MDGA2: variants seen among roughly 807,000 people sequenced by gnomAD.
MDGA2 encodes MAM domain-containing glycosylphosphatidylinositol anchor protein 2.
MDGA2 carries 40 observed loss-of-function variants against 117.8 expected under a neutral mutation model. That is an observed-to-expected ratio of 0.34 (90% CI 0.26 to 0.44). The LOEUF is 0.44. MDGA2 is among the 20% of genes least tolerant of loss of function. The pLI, the probability that MDGA2 is intolerant of heterozygous loss-of-function variation, is 1.00. For synonymous variants in MDGA2, 452 were observed against 439.0 expected (o/e 1.03, Z -0.37); for missense variants, 1,123 against 1,250.6 (o/e 0.90, Z 1.54).
At chr14:47,535,955 A>G (rs1055738781) in intron 1 of MDGA2, among the ~76,000 whole-genome samples, 1 of 152,204 alleles carries the variant, frequency 6.6e-6, no homozygotes, top group Non-Finnish European at 1.5e-5. Flanking sequence ...AGGGCTTCAC[A>G]TGTCTCTTTT....
At chr14:47,177,716 G>A (rs1884531182) in intron 3 of MDGA2, among the ~76,000 whole-genome samples, 1 of 151,798 alleles carries the variant, frequency 6.6e-6, no homozygotes. Context: ...CAAGTTAATG[G>A]GTGCAGCACA....
Position 47,374,372 on chromosome 14 carries a change from G to A in MDGA2, c.281-72822C>T, listed in dbSNP as rs547545947. ...TTTGGCCATTCAGATCTTTTCCCTC[G>A]ATTTCTGGTTATTCACTCTGTTCTA... On this transcript the variant is annotated intron_variant, in intron 1 of 16. Coordinates refer to ENST00000399232, the MANE Select transcript of MDGA2 (RefSeq NM_001113498.3). Among the ~76,000 whole-genome samples the A allele has an allele frequency of 1.6e-4, 25 of 152,054 alleles. No individual in the cohort carries two copies. In the South Asian group the frequency reaches 3.7e-3, roughly 23 times the overall value.
chr14:47,627,552 T>C (rs1190232269), intron 1 of MDGA2, among the ~76,000 whole-genome samples: 1 of 152,042 alleles, frequency 6.6e-6, no homozygotes, highest in Admixed American at 6.5e-5. Flanking sequence ...TGGAGAACTT[T>C]TGTGCCTAGC....
chr14:47,621,229 T>C (rs1268375680), intron 1 of MDGA2, among the ~76,000 whole-genome samples: 3 of 152,186 alleles, frequency 2.0e-5, no homozygotes, highest in South Asian at 2.1e-4. Flanking sequence ...CTATATTAAA[T>C]ACAGTTAAGG....
rs1427664472 is a variant in MDGA2, at chr14:46,855,353, C to T, written c.2753-199G>A. Reference sequence around the variant, plus strand: ...CCAAAAGTAACCATCTCCTAATTCCCTAGAACATGTGCATGTTGCCTGATA... The same window carrying T: ...CCAAAAGTAACCATCTCCTAATTCCTTAGAACATGTGCATGTTGCCTGATA... On this transcript the variant is annotated intron_variant, in intron 14 of 16. Transcript: ENST00000399232. The surrounding 1 kb of genome is among the most constrained non-coding windows in gnomAD (Gnocchi z 4.1). 1.3e-5 allele frequency among the ~76,000 whole-genome samples: 2 copies of T among 152,046 alleles called. No individual in the cohort carries two copies. Among genetic ancestry groups the T allele is most frequent in the South Asian group, 2.1e-4 (1 of 4,828 alleles).
At chr14:47,100,525 T>TA (rs1880246028) in intron 5 of MDGA2, among the ~76,000 whole-genome samples, 1 of 152,156 alleles carries the variant, frequency 6.6e-6, no homozygotes, top group African/African-American at 2.4e-5. Flanking sequence ...TTCACTGTTC[T>TA]AAAAAACAAT....
chr14:47,416,739 C>T (rs1484181893), intron 1 of MDGA2, among the ~76,000 whole-genome samples: 2 of 152,148 alleles, frequency 1.3e-5, no homozygotes, highest in Admixed American at 6.5e-5. Flanking sequence ...AGGTTCACCA[C>T]CTGTGCCCTC....
intron 2 of MDGA2, among the ~76,000 whole-genome samples, chr14:47,287,765 T>G (rs1222596586): frequency 6.6e-6 from 1 of 152,142 alleles, no homozygotes; most frequent in Non-Finnish European, 1.5e-5. Flanking sequence ...GTGATGTTAC[T>G]CGGAAATAAG....
intron 3 of MDGA2, among the ~76,000 whole-genome samples, chr14:47,183,468 G>T (rs1002074304): frequency 2.6e-5 from 4 of 152,190 alleles, no homozygotes; most frequent in African/African-American, 9.6e-5. Flanking sequence ...ATGTTTTAAT[G>T]AGGTTGATAA....
intron 10 of MDGA2, among the ~76,000 whole-genome samples, chr14:46,908,477 G>A (rs546021817): frequency 6.6e-6 from 1 of 152,154 alleles, no homozygotes; most frequent in South Asian, 2.1e-4. Flanking sequence ...GAAACATTTA[G>A]GAGTCTTAAC....
At chr14:47,195,638 C>T (rs543608103) in intron 3 of MDGA2, among the ~76,000 whole-genome samples, 5 of 152,002 alleles carry the variant, frequency 3.3e-5, no homozygotes, top group Non-Finnish European at 7.4e-5. Context: ...AGTTCATTGA[C>T]TTTTGTTGTG....
At chr14:46,938,722 C>G (rs540045574) in intron 9 of MDGA2, among the ~76,000 whole-genome samples, 1 of 151,886 alleles carries the variant, frequency 6.6e-6, no homozygotes, top group South Asian at 2.1e-4. Flanking sequence ...CAAAAAACTA[C>G]AAATGAAAGT....
chr14:47,438,403 T>C (rs1892938704), intron 1 of MDGA2, among the ~76,000 whole-genome samples: 1 of 152,150 alleles, frequency 6.6e-6, no homozygotes, highest in Admixed American at 6.6e-5. Context: ...TATAACTTGA[T>C]AGGCAAACTC....
chr14:47,318,244 T>C (rs1566736202), intron 1 of MDGA2, among the ~76,000 whole-genome samples: 1 of 152,146 alleles, frequency 6.6e-6, no homozygotes, highest in Non-Finnish European at 1.5e-5. Context: ...AAAATTGTCA[T>C]TAACATGACC....
chr14:47,383,205 G>A (rs1057357405), intron 1 of MDGA2, among the ~76,000 whole-genome samples: 3 of 152,102 alleles, frequency 2.0e-5, no homozygotes, highest in African/African-American at 7.2e-5. Flanking sequence ...AGCCTGTCAG[G>A]GGATGGGGGA....
chr14:47,556,648 T>C (rs1255440634), intron 1 of MDGA2, among the ~76,000 whole-genome samples: 1 of 152,162 alleles, frequency 6.6e-6, no homozygotes, highest in Non-Finnish European at 1.5e-5. Flanking sequence ...GTCTGCAGAA[T>C]GGAGAAAATA....
chr14:47,035,892 G>T (rs1888829359), intron 7 of MDGA2, among the ~76,000 whole-genome samples: 1 of 151,816 alleles, frequency 6.6e-6, no homozygotes, highest in African/African-American at 2.4e-5. Flanking sequence ...TGATGTCATT[G>T]TAAATAGTTT....
intron 3 of MDGA2, among the ~76,000 whole-genome samples, 156 bp downstream of exon 3, chr14:47,217,865 C>T (rs1886154299): frequency 1.3e-5 from 2 of 151,948 alleles, no homozygotes; most frequent in Admixed American, 6.6e-5. Context: ...GTGAAGATTC[C>T]TTTCTTCAGG....
At chr14:47,622,020 T>C (rs1194559628) in intron 1 of MDGA2, among the ~76,000 whole-genome samples, 2 of 152,204 alleles carry the variant, frequency 1.3e-5, no homozygotes, top group Admixed American at 6.5e-5. Flanking sequence ...GCTTGTAACA[T>C]AGTAAGTATT....
Sources: allele counts gnomAD v4.1 joint callset (sites outside exome capture counted in the v4.1 genomes callset), GRCh38; gene constraint gnomAD v4.1.1; non-coding constraint Gnocchi (gnomAD v3.1); transcripts MANE v1.5; gene names NCBI Gene and HGNC (gene_info 2026-07-23, HGNC 2026-07-21).